PTPRR: variants seen among roughly 807,000 people sequenced by gnomAD.
PTPRR encodes receptor-type tyrosine-protein phosphatase R.
In PTPRR, 38 loss-of-function variants were observed where a neutral mutation model predicts 77.2. The observed-to-expected ratio is 0.49, with a 90% CI of 0.38 to 0.65. The LOEUF (loss-of-function observed/expected upper bound fraction) is 0.65, where lower values mean the gene tolerates loss of function less well. Ranked by LOEUF, PTPRR falls within the 30% of genes least tolerant of loss-of-function variation. The probability of loss-of-function intolerance (pLI) is 0.00; values close to 1 mark genes in which losing one functional copy is unlikely to be tolerated. For synonymous variants in PTPRR, 299 were observed against 283.1 expected (o/e 1.06, Z -0.57); for missense variants, 744 against 799.2 (o/e 0.93, Z 0.83).
chr12:70,675,715 A>C (rs1286877919), intron 10 of PTPRR, among the ~76,000 whole-genome samples: 1 of 151,436 alleles, frequency 6.6e-6, no homozygotes, highest in Non-Finnish European at 1.5e-5. Flanking sequence ...TGTTTTGGTA[A>C]GATTTTTTTT....
At chr12:70,693,673 C>T (rs1485683993) in intron 8 of PTPRR, among the ~76,000 whole-genome samples, 1 of 150,504 alleles carries the variant, frequency 6.6e-6, no homozygotes, top group Non-Finnish European at 1.5e-5. Flanking sequence ...TGTAGGTTTC[C>T]AAGAAAAACT....
At chr12:70,864,116 T>C (rs1439560949) in intron 2 of PTPRR, among the ~76,000 whole-genome samples, 1 of 152,042 alleles carries the variant, frequency 6.6e-6, no homozygotes, top group Non-Finnish European at 1.5e-5. Context: ...AATCAGAAAA[T>C]GAAATTCTCT....
chr12:70,691,129 A>T (rs1433743773), intron 8 of PTPRR, among the ~76,000 whole-genome samples: 1 of 152,122 alleles, frequency 6.6e-6, no homozygotes, highest in Non-Finnish European at 1.5e-5. Flanking sequence ...CACTTCCTCC[A>T]TGCTCATCTG....
At chr12:70,718,967 C>T (rs1057032186) in intron 6 of PTPRR, among the ~76,000 whole-genome samples, 73 of 152,136 alleles carry the variant, frequency 4.8e-4, no homozygotes, top group African/African-American at 1.7e-3. Context: ...CAGATGAGGA[C>T]ATTCGGAGAA....
chr12:70,817,016 C>T (rs1048496611), intron 2 of PTPRR, among the ~76,000 whole-genome samples: 1 of 152,042 alleles, frequency 6.6e-6, no homozygotes, highest in African/African-American at 2.4e-5. Context: ...ATGTCTCATC[C>T]TGTCTCAGTG....
chr12:70,672,890 A>T (rs1351248796), intron 10 of PTPRR: 1 of 1,553,828 alleles, frequency 6.4e-7, no homozygotes, highest in African/African-American at 1.4e-5. Context: ...TGGTCATAGG[A>T]TGGGGGCATC....
At chr12:70,882,529 C>T (rs1000956013) in intron 2 of PTPRR, among the ~76,000 whole-genome samples, 3 of 152,114 alleles carry the variant, frequency 2.0e-5, no homozygotes, top group Non-Finnish European at 2.9e-5. Context: ...TCCGGCAAGA[C>T]GCAAGAGTTT....
chr12:70,734,277 T>C (rs1889787119), intron 6 of PTPRR, among the ~76,000 whole-genome samples: 1 of 152,166 alleles, frequency 6.6e-6, no homozygotes, highest in Non-Finnish European at 1.5e-5. Context: ...ATTAATCACA[T>C]GTAGAGGAAT....
intron 10 of PTPRR, among the ~76,000 whole-genome samples, chr12:70,678,675 C>G (rs573335254): frequency 6.6e-6 from 1 of 151,870 alleles, no homozygotes; most frequent in East Asian, 1.9e-4. Context: ...TTGTTCTTGT[C>G]CTTTTTTATT....
chr12:70,879,670 C>T (rs1266709979), intron 2 of PTPRR, among the ~76,000 whole-genome samples: 3 of 152,030 alleles, frequency 2.0e-5, no homozygotes, highest in Non-Finnish European at 4.4e-5. Context: ...TTTTTTCATG[C>T]TCAATGGATA....
chr12:70,761,558 C>T lies in PTPRR; in HGVS notation c.540G>A (p.Leu180=). The T allele has an allele frequency of 6.2e-7, 1 of 1,612,168 alleles. No homozygotes were observed. Among genetic ancestry groups the T allele is most frequent in the Non-Finnish European group, 8.5e-7 (1 of 1,178,812 alleles). ...INRKTGISDA[L]PSEEVLRSLN... is the part of the protein sequence containing the mutation. The stretch of plus-strand genomic sequence containing the variant: ...GTGAACGAAGAACTTCCTCAGAGGG[C>T]AGAGCATCAGAAATTCCTGTTTTTC... The change falls in exon 4 of 14, where the codon CTG becomes CTA. Residue 180 remains leucine, a synonymous_variant. Coordinates refer to ENST00000283228, the MANE Select transcript of PTPRR (RefSeq NM_002849.4).
intron 10 of PTPRR, among the ~76,000 whole-genome samples, chr12:70,682,034 C>CTTTTTTTTTTTTTT (rs578204454): frequency 1.6e-5 from 1 of 62,690 alleles, no homozygotes; most frequent in Non-Finnish European, 2.8e-5. Flanking sequence ...TTGTTGTTCA[C>CTTTTTTTTTTTTTT]TTTTTTTTTT....
At chr12:70,867,652 C>G (rs1459940827) in intron 2 of PTPRR, among the ~76,000 whole-genome samples, 2 of 151,728 alleles carry the variant, frequency 1.3e-5, no homozygotes, top group Non-Finnish European at 2.9e-5. Flanking sequence ...CATCAAGCTA[C>G]CAATGACTTT....
chr12:70,865,097 G>A (rs1477719190), intron 2 of PTPRR, among the ~76,000 whole-genome samples: 1 of 152,166 alleles, frequency 6.6e-6, no homozygotes, highest in Non-Finnish European at 1.5e-5. Flanking sequence ...ACAGGCATGA[G>A]CCATTGTGCC....
At chr12:70,888,403 T>A (rs1893278552) in intron 2 of PTPRR, among the ~76,000 whole-genome samples, 1 of 152,220 alleles carries the variant, frequency 6.6e-6, no homozygotes, top group Admixed American at 6.5e-5. Context: ...TCATATGGAC[T>A]CAGATTGCTC....
At chr12:70,808,468 C>T (rs1231808540) in intron 2 of PTPRR, among the ~76,000 whole-genome samples, 2 of 152,156 alleles carry the variant, frequency 1.3e-5, no homozygotes, top group Admixed American at 1.3e-4. Flanking sequence ...GGGGGCATCA[C>T]AGAACCTGCT....
chr12:70,778,456 T>C (rs977698708), intron 2 of PTPRR, among the ~76,000 whole-genome samples: 5 of 152,246 alleles, frequency 3.3e-5, no homozygotes, highest in Admixed American at 1.3e-4. Flanking sequence ...TCTCCTATTA[T>C]GCATTTGAAT....
intron 2 of PTPRR, among the ~76,000 whole-genome samples, chr12:70,828,566 T>C (rs1478580911): frequency 6.6e-6 from 1 of 152,242 alleles, no homozygotes; most frequent in East Asian, 1.9e-4. Context: ...GCAGAGAGGT[T>C]ACTCAGCTGG....
At chr12:70,803,684 A>G (rs1358753351) in intron 2 of PTPRR, among the ~76,000 whole-genome samples, 1 of 152,134 alleles carries the variant, frequency 6.6e-6, no homozygotes, top group Non-Finnish European at 1.5e-5. Context: ...AGGAAAATAT[A>G]ATGCCTGAGG....
Sources: gnomAD v4.1 joint callset for allele counts (sites outside exome capture counted in the v4.1 genomes callset) on GRCh38, gnomAD v4.1.1 for gene constraint, MANE v1.5 for transcripts, NCBI Gene and HGNC (gene_info 2026-07-23, HGNC 2026-07-21) for gene names.